The following ZBTB46 variants were observed in gnomAD, a reference collection of about 807,000 sequenced individuals.
ZBTB46 encodes the protein zinc finger and BTB domain containing 46, also known as zinc finger and BTB domain-containing protein 46.
A neutral mutation model predicts 44.1 loss-of-function variants in ZBTB46; 8 were observed. The observed-to-expected ratio is 0.18, with a 90% CI of 0.11 to 0.33. The LOEUF (loss-of-function observed/expected upper bound fraction) is 0.33, where lower values mean the gene tolerates loss of function less well. Among genes scored for constraint, ZBTB46 ranks in the 10% least tolerant of loss-of-function variants. The pLI, the probability that ZBTB46 is intolerant of heterozygous loss-of-function variation, is 1.00. For synonymous variants in ZBTB46, 409 were observed against 382.3 expected (o/e 1.07, Z -0.81); for missense variants, 651 against 847.7 (o/e 0.77, Z 2.88).
chr20:63,790,310 A>G lies in ZBTB46; in HGVS notation c.448T>C (p.Ser150Pro). The G allele has an allele frequency of 6.2e-7, 1 of 1,613,036 alleles. No individual in the cohort carries two copies. Reference sequence around the variant, plus strand: ...ATGAGAGCTTCCGTGCTGCTGCTGGACGAGGCGCCGATCTCGAACTCCGCA... The same window carrying G: ...ATGAGAGCTTCCGTGCTGCTGCTGGGCGAGGCGCCGATCTCGAACTCCGCA... ...ELAEFEIGAS[S>P]SSSTEALISA... The change falls in exon 2 of 5, where the codon TCC becomes CCC. Residue 150 changes from serine (S) to proline (P), a missense_variant. Physicochemically the swap from Ser to Pro is moderately conservative, Grantham distance 74. Coordinates refer to ENST00000245663, the MANE Select transcript of ZBTB46 (RefSeq NM_001369741.1).
intron 1 of ZBTB46, among the ~76,000 whole-genome samples, chr20:63,811,970 G>A (rs994062316): frequency 2.6e-5 from 4 of 152,116 alleles, no homozygotes; most frequent in South Asian, 2.1e-4. Context: ...GACTCCAAAC[G>A]TGGAAGCATT....
chr20:63,749,962 C>T (rs1414603738), intron 4 of ZBTB46, among the ~76,000 whole-genome samples: 2 of 152,242 alleles, frequency 1.3e-5, no homozygotes, highest in African/African-American at 4.8e-5. Context: ...GGCTCTGGGG[C>T]ACTGTGGCTG....
chr20:63,802,799 C>G (rs1432268761), intron 1 of ZBTB46, among the ~76,000 whole-genome samples: 1 of 147,388 alleles, frequency 6.8e-6, no homozygotes, highest in Non-Finnish European at 1.5e-5. Flanking sequence ...TGGCCGACGA[C>G]CGAACCTCAG....
Position 63,745,335 on chromosome 20 carries a change from C to G in ZBTB46, c.*1595G>C, listed in dbSNP as rs755094950. The stretch of plus-strand genomic sequence containing the variant: ...CCCTGTCATTGGTAGAACCGGGGGC[C>G]AATGTCAAAAAACAAAAGCCGTGAC... On this transcript the variant is annotated 3_prime_UTR_variant, in exon 5 of 5. Coordinates refer to ENST00000245663, the MANE Select transcript of ZBTB46 (RefSeq NM_001369741.1). The G allele has an allele frequency of 9.2e-5, 14 of 152,248 alleles. No individual in the cohort carries two copies. Among genetic ancestry groups the G allele is most frequent in the Non-Finnish European group, 2.1e-4 (14 of 68,060 alleles). 9.4% of individuals were successfully genotyped at this position (152,248 alleles called of 1,614,324 possible). A position where few individuals can be genotyped will look rare whatever the true frequency, so the allele number is the denominator to read the frequency against.
At chr20:63,827,622 A>G (rs1218862223) in intron 1 of ZBTB46, among the ~76,000 whole-genome samples, 1 of 149,052 alleles carries the variant, frequency 6.7e-6, no homozygotes, top group African/African-American at 2.4e-5. Context: ...CTCAAAAAAA[A>G]AAAAACAAAA....
intron 1 of ZBTB46, among the ~76,000 whole-genome samples, chr20:63,810,629 C>T (rs2092712324): frequency 1.3e-5 from 2 of 152,052 alleles, no homozygotes; most frequent in African/African-American, 4.8e-5. Context: ...ACCTATAATC[C>T]CAGCTACTAG....
At chr20:63,817,562 A>T (rs1453960722) in intron 1 of ZBTB46, among the ~76,000 whole-genome samples, 1 of 151,752 alleles carries the variant, frequency 6.6e-6, no homozygotes, top group East Asian at 1.9e-4. Flanking sequence ...CAAAAATACA[A>T]AAAATTAGTC....
intron 1 of ZBTB46, among the ~76,000 whole-genome samples, chr20:63,816,731 C>G (rs1295314910): frequency 6.6e-6 from 1 of 152,084 alleles, no homozygotes; most frequent in Non-Finnish European, 1.5e-5. Flanking sequence ...AGGGTCTTTG[C>G]AAATATAATC....
upstream of ZBTB46, chr20:63,831,323 GC>G (rs1002348767): frequency 1.7e-4 from 24 of 138,012 alleles, no homozygotes; most frequent in African/African-American, 6.3e-4. Context: ...CGCCCCGCCC[GC>G]GGACCCTGAC....
intron 1 of ZBTB46, among the ~76,000 whole-genome samples, chr20:63,816,081 G>GGTGGGCACAGGTGCA: frequency 1.7e-5 from 2 of 117,658 alleles, no homozygotes; most frequent in East Asian, 6.0e-4. Context: ...AGTGGGCACA[G>GGTGGGCACAGGTGCA]GTGGGCACAG....
chr20:63,749,039 C>T (rs2092133316), intron 4 of ZBTB46, among the ~76,000 whole-genome samples: 1 of 152,280 alleles, frequency 6.6e-6, no homozygotes, highest in African/African-American at 2.4e-5. Context: ...GCCCGACCTC[C>T]CCTTCTAGAC....
intron 3 of ZBTB46, among the ~76,000 whole-genome samples, chr20:63,755,611 G>C (rs1177194603): frequency 6.6e-6 from 1 of 152,144 alleles, no homozygotes; most frequent in Admixed American, 6.6e-5. Flanking sequence ...GGATCAGGAC[G>C]GAGTGTTCAC....
rs1302042959 is a variant in ZBTB46, at chr20:63,745,492, G to C, written c.*1438C>G. 6.6e-6 allele frequency: 1 copy of C among 152,392 alleles called. No homozygotes were observed. The highest frequency in any genetic ancestry group is 2.1e-4 in the South Asian group (1 of 4,824). The allele number at this position is 152,392 out of a possible 1,614,324, so 9.4% of individuals were successfully genotyped here. A position where few individuals can be genotyped will look rare whatever the true frequency, so the allele number is the denominator to read the frequency against. ...AATGTGGGGAAAAGCCTGGTATACA[G>C]GCTAGAAAAAGAGAGTAAAAACTCT... On this transcript the variant is annotated 3_prime_UTR_variant, in exon 5 of 5. Coordinates refer to ENST00000245663, the MANE Select transcript of ZBTB46 (RefSeq NM_001369741.1).
At chr20:63,815,308 GGGTGCAGATGGGCACA>G (rs2092742543) in intron 1 of ZBTB46, 4 of 276,138 alleles carry the variant, frequency 1.4e-5, no homozygotes, top group African/African-American at 7.1e-5. Flanking sequence ...AAGGTGCAGT[GGGTGCAGATGGGCACA>G]GGTGCAGGTG....
intron 1 of ZBTB46, among the ~76,000 whole-genome samples, chr20:63,795,193 G>A (rs1455918016): frequency 6.6e-6 from 1 of 152,224 alleles, no homozygotes; most frequent in Non-Finnish European, 1.5e-5. Context: ...CGAATCTCAA[G>A]ATCCTTCCCT....
intron 3 of ZBTB46, among the ~76,000 whole-genome samples, chr20:63,755,611 G>A (rs1177194603): frequency 1.3e-5 from 2 of 152,262 alleles, no homozygotes; most frequent in Non-Finnish European, 2.9e-5. Flanking sequence ...GGATCAGGAC[G>A]GAGTGTTCAC....
At chr20:63,804,127 C>A (rs2092666828) in intron 1 of ZBTB46, among the ~76,000 whole-genome samples, 1 of 149,424 alleles carries the variant, frequency 6.7e-6, no homozygotes, top group Admixed American at 6.6e-5. Flanking sequence ...GCTGTGGGGT[C>A]CCTGAATGGA....
intron 2 of ZBTB46, among the ~76,000 whole-genome samples, chr20:63,778,304 G>A (rs2092441254): frequency 6.6e-6 from 1 of 152,204 alleles, no homozygotes; most frequent in African/African-American, 2.4e-5. Flanking sequence ...AGGGCTTTGT[G>A]GAGTACCCTC....
At position 63,776,096 on chromosome 20, in the gene ZBTB46, TG is replaced by T; in HGVS notation, c.938-135del. 7.7e-6 allele frequency: 9 copies of T among 1,170,736 alleles called. No individual in the cohort carries two copies. In the South Asian group the frequency reaches 1.7e-4, roughly 22 times the overall value. 72.5% of individuals were successfully genotyped at this position (1,170,736 alleles called of 1,614,324 possible). On this transcript the variant is annotated intron_variant, in intron 2 of 4. Transcript: ENST00000245663. ...GAGCAGCATCAAGTCCAGCCCACCC[TG>T]GGAGCCGGGCACCTGCCCCAGCAAT...
Sources: gnomAD v4.1 joint callset for allele counts (sites outside exome capture counted in the v4.1 genomes callset) on GRCh38, gnomAD v4.1.1 for gene constraint, MANE v1.5 for transcripts, NCBI Gene and HGNC (gene_info 2026-07-23, HGNC 2026-07-21) for gene names.